Variants in WDR45B observed in about 807,000 individuals in gnomAD.
WDR45B encodes WD repeat domain phosphoinositide-interacting protein 3.
In WDR45B, 20 loss-of-function variants were observed where a neutral mutation model predicts 44.6. That is an observed-to-expected ratio of 0.45 (90% CI 0.32 to 0.65). WDR45B has a LOEUF of 0.65. Ranked by LOEUF, WDR45B falls within the 30% of genes least tolerant of loss-of-function variation. The pLI, the probability that WDR45B is intolerant of heterozygous loss-of-function variation, is 0.05. For synonymous variants in WDR45B, 169 were observed against 164.9 expected (o/e 1.02, Z -0.19); for missense variants, 323 against 430.2 (o/e 0.75, Z 2.20).
chr17:82,615,954 C>T lies in WDR45B; in HGVS notation c.1000G>A (p.Ala334Thr), dbSNP rs200830452. ...PKGECIRDVY[A>T]QFLEMTDDKL ...TCATCGGTCATCTCTAGAAACTGCG[C>T]GTAGACATCTCGGATGCACTCCCCC... The change falls in exon 10 of 10, where the codon GCG becomes ACG. Residue 334 changes from alanine (A) to threonine (T), a missense_variant. Ala to Thr is a moderately conservative substitution (Grantham distance 58). Coordinates refer to ENST00000392325, the MANE Select transcript of WDR45B (RefSeq NM_019613.4). 111 of 1,613,586 alleles carry T rather than the reference C, an allele frequency of 6.9e-5. No homozygotes were observed. The African/African-American group carries it at 1.2e-3, about 18-fold the overall frequency.
intron 5 of WDR45B, 53 bp downstream of exon 5, chr17:82,625,336 G>C: frequency 1.3e-6 from 2 of 1,542,224 alleles, no homozygotes; most frequent in East Asian, 2.2e-5. Flanking sequence ...CCCAGCACAG[G>C]CATCTCCATG....
rs1278877839 is a variant in WDR45B, at chr17:82,627,247, C to A, written c.289G>T (p.Glu97Ter). ...DLKKKTVIEIEFSTEVKAVKL... is the reference protein window; with the variant it reads ...DLKKKTVIEI ...ACTGCCTTGACTTCTGTAGAAAATT[C>A]TATTTCAATAACAGTCTTCTTCTTC... The change falls in exon 4 of 10, where the codon GAA (glutamate) becomes TAA (stop). Residue 97 changes from glutamate to a stop codon, truncating the protein, a stop_gained. Coordinates refer to ENST00000392325, the MANE Select transcript of WDR45B (RefSeq NM_019613.4). LOFTEE classifies it high-confidence loss of function. 1 of 1,613,756 alleles carries A rather than the reference C, an allele frequency of 6.2e-7. No individual in the cohort carries two copies. The highest frequency in any genetic ancestry group is 1.3e-5 in the African/African-American group (1 of 74,948).
At chr17:82,627,329 G>T in intron 3 of WDR45B, 38 bp from the exon 4 acceptor site, 1 of 1,521,860 alleles carries the variant, frequency 6.6e-7, no homozygotes, top group Non-Finnish European at 9.1e-7. Flanking sequence ...GCAGTCATCA[G>T]CAGGCCATGG....
intron 6 of WDR45B, among the ~76,000 whole-genome samples, chr17:82,619,381 G>A (rs925349674): frequency 6.6e-5 from 10 of 151,972 alleles, no homozygotes; most frequent in Non-Finnish European, 1.0e-4. Flanking sequence ...CCTCCTGACC[G>A]GGCAGGGTGG....
intron 7 of WDR45B, 114 bp from the exon 8 acceptor site, chr17:82,617,511 T>C: frequency 9.8e-7 from 1 of 1,024,948 alleles, no homozygotes; most frequent in South Asian, 1.4e-5. Context: ...ACTCTGGAGG[T>C]GCCAATTCTG....
intron 2 of WDR45B, among the ~76,000 whole-genome samples, chr17:82,631,991 G>A (rs1313066606): frequency 6.6e-6 from 1 of 151,902 alleles, no homozygotes; most frequent in Middle Eastern, 3.2e-3. Flanking sequence ...TGAGGCAGGA[G>A]AATCACTTGA....
rs929637614 is a variant in WDR45B at position 82,615,976 on chromosome 17, C to T, written c.978G>A (p.Gly326=). ...SYYKFLFNPK[G]ECIRDVYAQF... The stretch of plus-strand genomic sequence containing the variant: ...GCGCGTAGACATCTCGGATGCACTC[C>T]CCCTTGGGGTTGAACAGGAATTTGT... Residue 326 remains glycine, a synonymous_variant, in exon 10 of 10, where the codon GGG becomes GGA. Transcript: ENST00000392325. 6.2e-6 allele frequency: 10 copies of T among 1,613,740 alleles called. No homozygotes were observed. The highest frequency in any genetic ancestry group is 8.5e-6 in the Non-Finnish European group (10 of 1,179,990).
intron 3 of WDR45B, 91 bp from the exon 4 acceptor site, chr17:82,627,382 C>T: frequency 9.3e-7 from 1 of 1,077,352 alleles, no homozygotes; most frequent in Non-Finnish European, 1.4e-6. Context: ...AAGGTGTTTT[C>T]TCTTCCCACT....
At chr17:82,618,410 T>C (rs1233730524) in intron 7 of WDR45B, among the ~76,000 whole-genome samples, 2 of 152,198 alleles carry the variant, frequency 1.3e-5, no homozygotes, top group Non-Finnish European at 2.9e-5. Context: ...CCTCTCAGAC[T>C]GTAACAGGCT....
At chr17:82,630,039 T>A in intron 3 of WDR45B, 1 of 954,964 alleles carries the variant, frequency 1.0e-6, no homozygotes, top group Non-Finnish European at 1.2e-6. Context: ...GCCTTCAATG[T>A]CACCAGAACC....
chr17:82,623,428 G>A (rs1475228262), intron 5 of WDR45B, among the ~76,000 whole-genome samples: 12 of 136,520 alleles, frequency 8.8e-5, no homozygotes, highest in Admixed American at 4.5e-4. Context: ...GGGGCTGGGC[G>A]CGGTGGCTCA....
At chr17:82,617,504 C>T (rs569584866) in intron 7 of WDR45B, 107 bp from the exon 8 acceptor site, 18 of 1,079,758 alleles carry the variant, frequency 1.7e-5, no homozygotes, top group Non-Finnish European at 2.4e-5. Context: ...CATTCCCACT[C>T]TGGAGGTGCC....
chr17:82,640,475 C>G (rs113523456), intron 2 of WDR45B, among the ~76,000 whole-genome samples: 1 of 151,874 alleles, frequency 6.6e-6, no homozygotes, highest in Non-Finnish European at 1.5e-5. Flanking sequence ...CTCAGCCTCC[C>G]GAGTAGCTGG....
chr17:82,640,031 T>C (rs2143364878), intron 2 of WDR45B, among the ~76,000 whole-genome samples: 1 of 107,684 alleles, frequency 9.3e-6, no homozygotes, highest in South Asian at 3.0e-4. Flanking sequence ...GTACAATGGA[T>C]GCAGGACCTA....
At position 82,622,279 on chromosome 17, in the gene WDR45B, C is replaced by G. The variant is rs1212273205; in HGVS notation, c.428-480G>C. Among the ~76,000 whole-genome samples the G allele has an allele frequency of 2.6e-5, 4 of 152,172 alleles. 1 individual carries two copies. Among genetic ancestry groups the G allele is most frequent in the African/African-American group, 4.8e-5 (2 of 41,442 alleles). ...AGACCACAGAAGATCTGAGAGAGAG[C>G]TGGTCTTGTGATCGTGGGCTGGAAG... On this transcript the variant is annotated intron_variant, in intron 5 of 9. Transcript: ENST00000392325.
intron 2 of WDR45B, among the ~76,000 whole-genome samples, chr17:82,633,290 C>T (rs766795115): frequency 1.3e-5 from 2 of 152,022 alleles, no homozygotes; most frequent in Non-Finnish European, 2.9e-5. Flanking sequence ...TTACAAACCA[C>T]ACATCTGATA....
chr17:82,620,769 A>G (rs1311938700), intron 6 of WDR45B, among the ~76,000 whole-genome samples: 1 of 152,252 alleles, frequency 6.6e-6, no homozygotes, highest in Non-Finnish European at 1.5e-5. Flanking sequence ...AAAAAGAAGT[A>G]TAAAGAACCC....
intron 1 of WDR45B, among the ~76,000 whole-genome samples, chr17:82,645,632 A>G (rs2045965991): frequency 6.6e-6 from 1 of 151,958 alleles, no homozygotes; most frequent in Non-Finnish European, 1.5e-5. Context: ...TCTCAATTCT[A>G]CTCCTAGGTA....
intron 3 of WDR45B, chr17:82,629,847 T>C (rs2045745279): frequency 1.0e-6 from 1 of 985,290 alleles, no homozygotes; most frequent in African/African-American, 1.7e-5. Flanking sequence ...AAGTACGTGA[T>C]ATCACCCAGA....
Sources: gnomAD v4.1 joint callset for allele counts (sites outside exome capture counted in the v4.1 genomes callset) on GRCh38, gnomAD v4.1.1 for gene constraint, MANE v1.5 for transcripts, NCBI Gene and HGNC (gene_info 2026-07-23, HGNC 2026-07-21) for gene names.